The following MACROH2A1 variants were observed in gnomAD, a reference collection of about 807,000 sequenced individuals.
MACROH2A1 encodes macroH2A.1 histone, also known as core histone macro-H2A.1.
A neutral mutation model predicts 31.6 loss-of-function variants in MACROH2A1; 2 were observed. That is an observed-to-expected ratio of 0.06 (90% CI 0.03 to 0.20). The LOEUF (loss-of-function observed/expected upper bound fraction) is 0.20. Among genes scored for constraint, MACROH2A1 ranks in the 10% least tolerant of loss-of-function variants. The pLI, the probability that MACROH2A1 is intolerant of heterozygous loss-of-function variation, is 1.00. For synonymous variants in MACROH2A1, 169 were observed against 189.6 expected (o/e 0.89, Z 0.89); for missense variants, 230 against 474.0 (o/e 0.49, Z 4.78).
At position 135,343,265 on chromosome 5, in the gene MACROH2A1, G is replaced by A. The variant is rs149002266; in HGVS notation, c.948C>T (p.Ser316=). The A allele has an allele frequency of 2.5e-4, 397 of 1,613,986 alleles. No individual in the cohort carries two copies. The African/African-American group carries it at 4.7e-3, about 19-fold the overall frequency. The change falls in exon 8 of 9, where the codon AGC becomes AGT. Residue 316 remains serine, a synonymous_variant. Transcript: ENST00000511689. ...TAACAAGCATGTGCCCCTACCTGCC[G>A]CTGCCGATGGATGGAAATGCAATGG... ...LKSIAFPSIG[S]GRNGFPKQTA...
chr5:135,347,395 T>C (rs1300137989), intron 6 of MACROH2A1: 2 of 152,346 alleles, frequency 1.3e-5, no homozygotes, highest in East Asian at 1.9e-4. Flanking sequence ...CCAGCAGCCA[T>C]AGCCCAGGGG....
intron 4 of MACROH2A1, among the ~76,000 whole-genome samples, chr5:135,363,737 T>C (rs1018906107): frequency 1.3e-5 from 2 of 152,228 alleles, no homozygotes; most frequent in African/African-American, 4.8e-5. Flanking sequence ...TTCTAGATCC[T>C]TGAGGAATCG....
intron 4 of MACROH2A1, chr5:135,361,154 T>C (rs977614067): frequency 3.8e-4 from 76 of 200,478 alleles, no homozygotes; most frequent in Middle Eastern, 2.1e-3. Context: ...TGCAGACCCC[T>C]TGACCCATGG....
intron 8 of MACROH2A1, among the ~76,000 whole-genome samples, chr5:135,338,477 C>T (rs986790699): frequency 6.6e-6 from 1 of 152,218 alleles, no homozygotes; most frequent in Non-Finnish European, 1.5e-5. Context: ...ACTGCCCCTT[C>T]CACCCTCGTC....
At position 135,361,221 on chromosome 5, in the gene MACROH2A1, C is replaced by T. The variant is rs535889745; in HGVS notation, c.478-614G>A. On this transcript the variant is annotated intron_variant, in intron 4 of 8. Coordinates refer to ENST00000511689, the MANE Select transcript of MACROH2A1 (RefSeq NM_138610.3). ...CATTATTAAGACTGAAATATGTATG[C>T]CCTGGAGTTCCCAAGGAACTTCTGA... The T allele has an allele frequency of 7.7e-4, 124 of 161,034 alleles. 1 individual carries two copies. The highest frequency in any genetic ancestry group is 8.7e-4 in the South Asian group (5 of 5,766). 10.0% of individuals were successfully genotyped at this position (161,034 alleles called of 1,614,324 possible). A position where few individuals can be genotyped will look rare whatever the true frequency, so the allele number is the denominator to read the frequency against.
intron 8 of MACROH2A1, chr5:135,337,890 C>A: frequency 9.7e-7 from 1 of 1,027,876 alleles, no homozygotes; most frequent in Non-Finnish European, 1.2e-6. Context: ...GATTTGTTTC[C>A]AGGACAACCC....
chr5:135,380,519 C>A (rs1049657714), intron 2 of MACROH2A1, among the ~76,000 whole-genome samples: 1 of 152,198 alleles, frequency 6.6e-6, no homozygotes, highest in Non-Finnish European at 1.5e-5. Context: ...GGTTCCGTAG[C>A]AGGCAGCATG....
intron 2 of MACROH2A1, among the ~76,000 whole-genome samples, chr5:135,372,665 T>A (rs1028356188): frequency 1.3e-5 from 2 of 152,106 alleles, no homozygotes; most frequent in African/African-American, 4.8e-5. Context: ...GGAGAGCACA[T>A]CCGTAATGCC....
chr5:135,362,599 T>TG, intron 4 of MACROH2A1: 1 of 152,326 alleles, frequency 6.6e-6, no homozygotes, highest in South Asian at 2.1e-4. Flanking sequence ...CATCTGAGGA[T>TG]ACCTGAACTA....
At chr5:135,399,527 G>A (rs1768563665), upstream of MACROH2A1, 3 of 152,336 alleles carry the variant, frequency 2.0e-5, no homozygotes, top group South Asian at 6.2e-4. This position sits in a 1 kb window ranked among gnomAD's most constrained non-coding sequence, Gnocchi z 4.5. Context: ...TCGAGTGAAC[G>A]CCTACTGTGT....
intron 2 of MACROH2A1, among the ~76,000 whole-genome samples, chr5:135,376,423 C>T (rs976851078): frequency 6.6e-6 from 1 of 152,208 alleles, no homozygotes; most frequent in African/African-American, 2.4e-5. Context: ...TTACATTATA[C>T]ATAATAACAC....
At chr5:135,354,883 T>G (rs1334171911) in intron 5 of MACROH2A1, 2 of 364,434 alleles carry the variant, frequency 5.5e-6, no homozygotes, top group Non-Finnish European at 1.1e-5. Flanking sequence ...CCCCACACAG[T>G]GTGAAGAGGC....
At chr5:135,364,225 C>T (rs908138139) in intron 4 of MACROH2A1, among the ~76,000 whole-genome samples, 1 of 152,164 alleles carries the variant, frequency 6.6e-6, no homozygotes, top group Non-Finnish European at 1.5e-5. Flanking sequence ...GAACATCACA[C>T]ACCAGGGCCT....
intron 6 of MACROH2A1, among the ~76,000 whole-genome samples, chr5:135,352,147 G>T (rs566741627): frequency 4.6e-5 from 7 of 152,374 alleles, no homozygotes; most frequent in African/African-American, 1.7e-4. Context: ...TTGAGGGTTA[G>T]GAAGGAGGCT....
chr5:135,367,461 G>A (rs181316585), intron 4 of MACROH2A1, among the ~76,000 whole-genome samples: 3 of 152,282 alleles, frequency 2.0e-5, no homozygotes, highest in East Asian at 1.9e-4. Context: ...TAGCTACTAG[G>A]AGCTAAAGAC....
At chr5:135,388,821 G>C (rs1581357845) in intron 2 of MACROH2A1, 101 bp downstream of exon 2, 1 of 968,188 alleles carries the variant, frequency 1.0e-6, no homozygotes, top group Non-Finnish European at 1.5e-6. Context: ...CTGTAGGTTT[G>C]AGCTGTTTCA....
At chr5:135,378,974 T>C (rs1765282844) in intron 2 of MACROH2A1, among the ~76,000 whole-genome samples, 1 of 152,196 alleles carries the variant, frequency 6.6e-6, no homozygotes. Context: ...CCTCATTTTC[T>C]GAATGAACAG....
chr5:135,365,796 G>A (rs1243911101), intron 4 of MACROH2A1, among the ~76,000 whole-genome samples: 1 of 152,146 alleles, frequency 6.6e-6, no homozygotes, highest in Non-Finnish European at 1.5e-5. Context: ...ACATTTACTT[G>A]CATGTGAGGA....
At chr5:135,349,373 C>T (rs1393505532) in intron 6 of MACROH2A1, among the ~76,000 whole-genome samples, 1 of 152,090 alleles carries the variant, frequency 6.6e-6, no homozygotes, top group Non-Finnish European at 1.5e-5. Context: ...GACTTTGGAG[C>T]TCTTTAACTC....
Sources: allele counts gnomAD v4.1 joint callset (sites outside exome capture counted in the v4.1 genomes callset), GRCh38; gene constraint gnomAD v4.1.1; non-coding constraint Gnocchi (gnomAD v3.1); transcripts MANE v1.5; gene names NCBI Gene and HGNC (gene_info 2026-07-23, HGNC 2026-07-21).